TTC6: variants seen among roughly 807,000 people sequenced by gnomAD.
TTC6 encodes the protein tetratricopeptide repeat protein 6.
A neutral mutation model predicts 210.4 loss-of-function variants in TTC6; 172 were observed. The observed-to-expected ratio is 0.82, with a 90% CI of 0.72 to 0.93. TTC6 has a LOEUF of 0.93. Among genes scored for constraint, TTC6 ranks in the 40% least tolerant of loss-of-function variants. TTC6 has a pLI of 0.00. For synonymous variants in TTC6, 804 were observed against 819.6 expected (o/e 0.98, Z 0.32); for missense variants, 2,414 against 2,318.1 (o/e 1.04, Z -0.85).
intron 14 of TTC6, among the ~76,000 whole-genome samples, 189 bp downstream of exon 16, chr14:37,753,424 C>T (rs2095958334): frequency 6.6e-6 from 1 of 152,154 alleles, no homozygotes; most frequent in Admixed American, 6.6e-5. Context: ...GCATAAATGA[C>T]AATTTAAAAT....
chr14:37,667,996 A>G (rs986607243), intron 1 of TTC6, among the ~76,000 whole-genome samples: 2 of 150,188 alleles, frequency 1.3e-5, no homozygotes, highest in African/African-American at 2.4e-5. Context: ...TTAGCCGGGC[A>G]TGATGGTACA....
intron 6 of TTC6, among the ~76,000 whole-genome samples, chr14:37,715,004 C>G (rs1045698602): frequency 3.9e-5 from 6 of 152,018 alleles, no homozygotes; most frequent in African/African-American, 1.4e-4. Context: ...ATAACGAGAC[C>G]TCGTATCTAA....
intron 1 of TTC6, among the ~76,000 whole-genome samples, chr14:37,662,997 A>G (rs1022714305): frequency 2.6e-5 from 4 of 151,860 alleles, no homozygotes; most frequent in African/African-American, 7.3e-5. Flanking sequence ...CATTTTAATG[A>G]TATTGATTTT....
intron 14 of TTC6, among the ~76,000 whole-genome samples, chr14:37,771,573 C>T (rs1476309452): frequency 2.0e-5 from 3 of 152,164 alleles, no homozygotes; most frequent in Non-Finnish European, 4.4e-5. Flanking sequence ...ATTGCTGATA[C>T]CCTTTCTTCC....
At chr14:37,673,223 T>C (rs1173078869) in intron 1 of TTC6, among the ~76,000 whole-genome samples, 1 of 152,076 alleles carries the variant, frequency 6.6e-6, no homozygotes, top group African/African-American at 2.4e-5. Context: ...CCTGATACAT[T>C]CTTCTGCCTG....
At chr14:37,829,536 A>C (rs950723229) in intron 29 of TTC6, among the ~76,000 whole-genome samples, 3 of 152,046 alleles carry the variant, frequency 2.0e-5, no homozygotes, top group Admixed American at 6.6e-5. Context: ...ATTCAATTTT[A>C]GTAATTTTTT....
upstream of TTC6, among the ~76,000 whole-genome samples, chr14:37,621,404 A>G (rs1231547813): frequency 6.6e-6 from 1 of 152,092 alleles, no homozygotes; most frequent in Non-Finnish European, 1.5e-5. Context: ...GAGCCCAGGG[A>G]GTTAGAGACC....
chr14:37,648,661 C>A (rs1462796599), intron 1 of TTC6, among the ~76,000 whole-genome samples: 5 of 152,030 alleles, frequency 3.3e-5, no homozygotes, highest in African/African-American at 1.2e-4. Context: ...TAATTTTCAT[C>A]TGTAATGTTG....
chr14:37,723,417 A>G (rs2095865634), intron 6 of TTC6, among the ~76,000 whole-genome samples: 1 of 152,218 alleles, frequency 6.6e-6, no homozygotes, highest in Non-Finnish European at 1.5e-5. Context: ...GTATCTATAC[A>G]TATTTCTATA....
chr14:37,725,812 A>AT (rs1453751855), intron 7 of TTC6, among the ~76,000 whole-genome samples: 1 of 152,106 alleles, frequency 6.6e-6, no homozygotes. Context: ...TCTTCATGGT[A>AT]TTTTCATTTG....
chr14:37,812,323 G>A (rs186129363), exon 25 of TTC6: 116 of 1,611,402 alleles, frequency 7.2e-5, no homozygotes, highest in African/African-American at 1.7e-4. Context: ...GGCATTAACA[G>A]ATTATGGAAT....
At chr14:37,725,308 GTGTGTATATATATATATATATATATATA>G (rs1382150375) in intron 7 of TTC6, among the ~76,000 whole-genome samples, 44 of 73,398 alleles carry the variant, frequency 6.0e-4, no homozygotes, top group East Asian at 1.6e-3. Context: ...ATGTGTGTGT[GTGTGTATATATATATATATATATATATA>G]TATATATATA....
At chr14:37,744,247 G>T (rs2095929384) in intron 10 of TTC6, among the ~76,000 whole-genome samples, 1 of 152,194 alleles carries the variant, frequency 6.6e-6, no homozygotes, top group African/African-American at 2.4e-5. Context: ...GGAGCATAGG[G>T]CAAGGAACAA....
At chr14:37,602,190 G>GCCTCTTAGCT (rs1392180378) in intron 1 of TTC6, among the ~76,000 whole-genome samples, 12 of 152,230 alleles carry the variant, frequency 7.9e-5, no homozygotes, top group Admixed American at 6.5e-5. Flanking sequence ...CTCGGTACCG[G>GCCTCTTAGCT]CCTCTTAGCT....
At chr14:37,742,090 A>G (rs889106770) in intron 10 of TTC6, among the ~76,000 whole-genome samples, 1 of 151,994 alleles carries the variant, frequency 6.6e-6, no homozygotes, top group Non-Finnish European at 1.5e-5. Context: ...TAGCCTCTTG[A>G]TCTCTACCAA....
In TTC6 at chr14:37,651,421, ATATATTTTTTTTTTTTTT is replaced by A. The variant is rs1460545237; in HGVS notation, c.939+28420_939+28437del. ...TATATATATATATATATATATATAT[ATATATTTTTTTTTTTTTT>A]TTTTTTTTTTTTTTCCATCCATGAT... On this transcript the variant is annotated intron_variant, in intron 1 of 30. Transcript: ENST00000553443. Among the ~76,000 whole-genome samples the A allele has an allele frequency of 4.6e-4, 10 of 21,946 alleles. No individual in the cohort carries two copies. In the East Asian group the frequency reaches 5.9e-3, roughly 13 times the overall value. The allele number at this position is 21,946 out of a possible 152,430, so 14.4% of individuals were successfully genotyped here. A position where few individuals can be genotyped will look rare whatever the true frequency, so the allele number is the denominator to read the frequency against.
chr14:37,824,152 C>T (rs2096164882), intron 27 of TTC6, among the ~76,000 whole-genome samples, 195 bp downstream of exon 29: 3 of 152,188 alleles, frequency 2.0e-5, no homozygotes, highest in Middle Eastern at 3.4e-3. Context: ...TCTGGATCAG[C>T]CTGGGGAGCT....
intron 26 of TTC6, among the ~76,000 whole-genome samples, chr14:37,823,517 A>G (rs555433799): frequency 6.6e-6 from 1 of 152,174 alleles, no homozygotes; most frequent in Non-Finnish European, 1.5e-5. Context: ...TGCTATGAAA[A>G]TGACCCTTTC....
chr14:37,706,934 G>C (rs1197783072), intron 5 of TTC6, among the ~76,000 whole-genome samples: 1 of 151,630 alleles, frequency 6.6e-6, no homozygotes, highest in South Asian at 2.1e-4. Flanking sequence ...AATAGGTTGG[G>C]TCACCCCATA....
Sources: allele counts gnomAD v4.1 joint callset (sites outside exome capture counted in the v4.1 genomes callset), GRCh38; gene constraint gnomAD v4.1.1; transcripts MANE v1.5; gene names NCBI Gene and HGNC (gene_info 2026-07-23, HGNC 2026-07-21).